The following TTC39B variants were observed in gnomAD, a reference collection of about 807,000 sequenced individuals.
TTC39B encodes the protein tetratricopeptide repeat protein 39B.
TTC39B carries 92 observed loss-of-function variants against 96.6 expected under a neutral mutation model. The ratio of observed to expected loss-of-function variants is 0.95; its 90% confidence interval spans 0.80 to 1.13. The LOEUF (loss-of-function observed/expected upper bound fraction) is 1.13. TTC39B is among the 50% of genes most tolerant of loss of function. The probability of loss-of-function intolerance (pLI) is 0.00; values close to 1 mark genes in which losing one functional copy is unlikely to be tolerated. For synonymous variants in TTC39B, 367 were observed against 299.4 expected, an observed-to-expected ratio of 1.23 and a Z score of -2.33; for missense variants, 955 against 809.3, an observed-to-expected ratio of 1.18 and a Z score of -2.18.
chr9:15,299,715 T>C (rs1563798929), intron 1 of TTC39B, among the ~76,000 whole-genome samples: 3 of 152,126 alleles, frequency 2.0e-5, no homozygotes, highest in South Asian at 4.1e-4. Flanking sequence ...AGACTGGAGA[T>C]TGGTCGGCTG....
intron 17 of TTC39B, 34 bp from the exon 18 acceptor site, chr9:15,177,848 A>C (rs1405706023): frequency 1.5e-6 from 2 of 1,341,504 alleles, no homozygotes; most frequent in African/African-American, 1.5e-5. Flanking sequence ...AAAACACACA[A>C]AGAAAAATAC....
chr9:15,172,140 C>A, intron 19 of TTC39B, 31 bp from the exon 20 acceptor site: 2 of 1,554,182 alleles, frequency 1.3e-6, no homozygotes, highest in South Asian at 2.3e-5. Flanking sequence ...ATTGTACAGT[C>A]AAAATTTCCT....
chr9:15,235,047 C>CAAAAA (rs1235662506), intron 2 of TTC39B, among the ~76,000 whole-genome samples: 1 of 104,386 alleles, frequency 9.6e-6, no homozygotes, highest in African/African-American at 3.7e-5. Flanking sequence ...ATAAATAAAA[C>CAAAAA]AAAAACAAAA....
chr9:15,301,674 T>C (rs1312938840), intron 1 of TTC39B, among the ~76,000 whole-genome samples: 1 of 151,664 alleles, frequency 6.6e-6, no homozygotes, highest in African/African-American at 2.4e-5. Context: ...GAGAATCACT[T>C]GAACCCGGGA....
intron 11 of TTC39B, 21 bp downstream of exon 11, chr9:15,190,533 A>G: frequency 6.3e-7 from 1 of 1,599,142 alleles, no homozygotes; most frequent in Non-Finnish European, 8.6e-7. Context: ...GTTCAATGAA[A>G]CAATCTAATC....
At chr9:15,236,546 T>A (rs1263757336) in intron 2 of TTC39B, among the ~76,000 whole-genome samples, 1 of 152,144 alleles carries the variant, frequency 6.6e-6, no homozygotes, top group East Asian at 1.9e-4. Flanking sequence ...CATGGAACAT[T>A]CTCCAGAATC....
intron 2 of TTC39B, among the ~76,000 whole-genome samples, chr9:15,244,097 T>C (rs1390038115): frequency 3.9e-5 from 6 of 152,216 alleles, no homozygotes; most frequent in Non-Finnish European, 7.3e-5. Context: ...CAAATCAGAC[T>C]CCTTCACATT....
chr9:15,251,694 C>CAT (rs59081141), intron 2 of TTC39B, among the ~76,000 whole-genome samples: 24 of 61,816 alleles, frequency 3.9e-4, no homozygotes, highest in African/African-American at 1.2e-3. Context: ...CACACACATA[C>CAT]ATATACATAT....
At chr9:15,263,830 A>G (rs1250251538) in intron 2 of TTC39B, among the ~76,000 whole-genome samples, 1 of 152,190 alleles carries the variant, frequency 6.6e-6, no homozygotes, top group Non-Finnish European at 1.5e-5. Flanking sequence ...GCTATAACCA[A>G]GGTGAGAGGA....
intron 2 of TTC39B, among the ~76,000 whole-genome samples, chr9:15,258,035 G>C (rs1419846786): frequency 6.6e-6 from 1 of 151,768 alleles, no homozygotes; most frequent in Non-Finnish European, 1.5e-5. Flanking sequence ...ACTCCAGCCT[G>C]GGCAATAAGA....
At chr9:15,217,041 G>A (rs1820560235) in intron 3 of TTC39B, among the ~76,000 whole-genome samples, 1 of 152,170 alleles carries the variant, frequency 6.6e-6, no homozygotes, top group Admixed American at 6.5e-5. Context: ...CCAGCGATGG[G>A]AATATCTAGG....
chr9:15,287,123 C>G (rs2616751), intron 1 of TTC39B, among the ~76,000 whole-genome samples: 137,448 of 152,272 alleles, frequency 0.9, 62,100 homozygotes, highest in East Asian at 0.98. Context: ...ATTTGCCATT[C>G]TCTAAAGCTG....
In TTC39B at chr9:15,166,979, A is replaced by ATTTT. The variant is rs1371714154; in HGVS notation, c.*5036_*5039dup. The stretch of plus-strand genomic sequence containing the variant: ...GGGTAACATGTGTCCACAAACCTTT[A>ATTTT]TTTTATATATATATATATATATATA... On this transcript the variant is annotated 3_prime_UTR_variant, in exon 20 of 20. Coordinates refer to ENST00000512701, the Ensembl canonical transcript of TTC39B. 182 of 33,416 alleles carry ATTTT rather than the reference A, an allele frequency of 5.4e-3. 10 individuals are homozygous for ATTTT. The highest frequency in any genetic ancestry group is 8.5e-3 in the Non-Finnish European group (154 of 18,056). The allele number at this position is 33,416 out of a possible 1,614,324, so 2.1% of individuals were successfully genotyped here. A position where few individuals can be genotyped will look rare whatever the true frequency, so the allele number is the denominator to read the frequency against.
At chr9:15,248,368 C>T (rs560068153) in intron 2 of TTC39B, among the ~76,000 whole-genome samples, 75 of 152,294 alleles carry the variant, frequency 4.9e-4, no homozygotes, top group Non-Finnish European at 8.8e-4. Flanking sequence ...TCTGTACCTT[C>T]AGATCTGGGG....
chr9:15,164,873 T>C (rs542598908), exon 20 of TTC39B: 1 of 152,326 alleles, frequency 6.6e-6, no homozygotes, highest in South Asian at 2.1e-4. Context: ...TCTGCAAATA[T>C]TAATTAAAGA....
intron 1 of TTC39B, among the ~76,000 whole-genome samples, chr9:15,269,240 A>T (rs1823246208): frequency 1.3e-5 from 2 of 152,220 alleles, no homozygotes; most frequent in South Asian, 4.1e-4. Flanking sequence ...AGCACTTATC[A>T]TAATCTCTAA....
At chr9:15,176,961 C>T (rs548929109) in intron 18 of TTC39B, among the ~76,000 whole-genome samples, 4 of 152,146 alleles carry the variant, frequency 2.6e-5, no homozygotes, top group African/African-American at 9.7e-5. Flanking sequence ...AAAACCAGAA[C>T]AAAACTCAAT....
intron 5 of TTC39B, 59 bp downstream of exon 5, chr9:15,211,207 T>C (rs1247573529): frequency 7.9e-6 from 11 of 1,387,136 alleles, no homozygotes; most frequent in Non-Finnish European, 1.0e-5. Flanking sequence ...GACATTATTT[T>C]TGTCACACAG....
chr9:15,285,795 C>T (rs1156373965), intron 1 of TTC39B, among the ~76,000 whole-genome samples: 4 of 152,142 alleles, frequency 2.6e-5, no homozygotes, highest in Non-Finnish European at 5.9e-5. Context: ...GCGGAGCTTG[C>T]AGTGAGCCGA....
Sources: allele counts gnomAD v4.1 joint callset (sites outside exome capture counted in the v4.1 genomes callset), GRCh38; gene constraint gnomAD v4.1.1; transcripts MANE v1.5; gene names NCBI Gene and HGNC (gene_info 2026-07-23, HGNC 2026-07-21).